Variants in PTPN13 observed in about 807,000 individuals in gnomAD.
PTPN13 encodes protein tyrosine phosphatase non-receptor type 13.
In PTPN13, 191 loss-of-function variants were observed where a neutral mutation model predicts 284.0. The observed-to-expected ratio is 0.67, with a 90% confidence interval of 0.60 to 0.76. The LOEUF (loss-of-function observed/expected upper bound fraction) is 0.76, where lower values mean the gene tolerates loss of function less well. Among genes scored for constraint, PTPN13 ranks in the 30% least tolerant of loss-of-function variants. The pLI is 0.00. For missense variants in PTPN13, 2,797 were observed against 2,939.9 expected (o/e 0.95, Z 1.12); for synonymous variants, 986 against 1,022.3 (o/e 0.96, Z 0.68).
Position 86,717,077 on chromosome 4 carries a change from G to T in PTPN13, c.1345G>T (p.Val449Leu), listed in dbSNP as rs180990269. Reference sequence around the variant, plus strand: ...TGAATCCAGCAGTGGTCTCCCAGGGGTAGATGAAACCTTAAGTCAAGGCCA... The same window carrying T: ...TGAATCCAGCAGTGGTCTCCCAGGGTTAGATGAAACCTTAAGTCAAGGCCA... ...RFESSSGLPG[V>L]DETLSQGQSQ... The change falls in exon 9 of 48, where the codon GTA (valine) becomes TTA (leucine). Residue 449 changes from valine (V) to leucine (L), a missense_variant. By Grantham distance (32) the Val-to-Leu change is conservative. Coordinates refer to ENST00000411767, the MANE Select transcript of PTPN13 (RefSeq NM_080683.3). 91 of 1,613,138 alleles carry T rather than the reference G, an allele frequency of 5.6e-5. 1 individual carries two copies. The East Asian group carries it at 1.4e-3, about 24-fold the overall frequency.
chr4:86,769,455 T>A (rs1739726917), intron 28 of PTPN13, among the ~76,000 whole-genome samples: 1 of 152,162 alleles, frequency 6.6e-6, no homozygotes, highest in Non-Finnish European at 1.5e-5. Context: ...CATGAGCCAC[T>A]GTGCCTGACC....
chr4:86,733,628 A>G (rs942083381), intron 12 of PTPN13, among the ~76,000 whole-genome samples: 1 of 152,104 alleles, frequency 6.6e-6, no homozygotes, highest in Non-Finnish European at 1.5e-5. Flanking sequence ...CTGATGTTCT[A>G]TCACTTTACT....
At chr4:86,763,813 G>T (rs1738976283) in intron 24 of PTPN13, among the ~76,000 whole-genome samples, 1 of 152,074 alleles carries the variant, frequency 6.6e-6, no homozygotes, top group Non-Finnish European at 1.5e-5. Flanking sequence ...TTGGGAGGCT[G>T]GGTGGGAGGA....
chr4:86,796,810 AAAAT>A, intron 40 of PTPN13, 60 bp from the exon 41 acceptor site: 1 of 1,071,104 alleles, frequency 9.3e-7, no homozygotes, highest in African/African-American at 1.6e-5. Context: ...TAACAGGAAA[AAAAT>A]AGTATGCGAT....
At position 86,682,425 on chromosome 4, in the gene PTPN13, CTT is replaced by C. The variant is rs540963376; in HGVS notation, c.295-4272_295-4271del. Among the ~76,000 whole-genome samples, 519 of 144,330 alleles carry C rather than the reference CTT, an allele frequency of 3.6e-3. 1 individual carries two copies. The highest frequency in any genetic ancestry group is 0.012 in the African/African-American group (491 of 39,606). The allele number at this position is 144,330 out of a possible 152,430, so 94.7% of individuals were successfully genotyped here. A position where few individuals can be genotyped will look rare whatever the true frequency, so the allele number is the denominator to read the frequency against. On this transcript the variant is annotated intron_variant, in intron 3 of 47. Transcript: ENST00000411767. Reference sequence around the variant, plus strand: ...AATACAAGTGAGAAGCAGATCAAAACTTTTTTTTTTTTTTAACTTGTACTGCC... The same window carrying C: ...AATACAAGTGAGAAGCAGATCAAAACTTTTTTTTTTTTAACTTGTACTGCC...
intron 2 of PTPN13, among the ~76,000 whole-genome samples, chr4:86,658,387 T>C (rs750437212): frequency 6.6e-6 from 1 of 152,200 alleles, no homozygotes; most frequent in Non-Finnish European, 1.5e-5. Context: ...AAAAAGTACC[T>C]GGTTTGAACA....
At chr4:86,636,949 AAAAG>A (rs1255956591) in intron 2 of PTPN13, among the ~76,000 whole-genome samples, 6 of 151,348 alleles carry the variant, frequency 4.0e-5, no homozygotes, top group African/African-American at 9.7e-5. Context: ...AATAAAGAAA[AAAAG>A]AGAGAAGAAT....
intron 1 of PTPN13, among the ~76,000 whole-genome samples, chr4:86,604,029 A>G (rs891438936): frequency 6.6e-6 from 1 of 152,110 alleles, no homozygotes; most frequent in Non-Finnish European, 1.5e-5. Context: ...AGACAAAATT[A>G]ATGTCTACTT....
At chr4:86,792,623 G>T (rs1742818328) in intron 40 of PTPN13, among the ~76,000 whole-genome samples, 1 of 152,134 alleles carries the variant, frequency 6.6e-6, no homozygotes. Flanking sequence ...AGGTCAGGTT[G>T]CCCACAAAGG....
At chr4:86,806,802 G>A (rs1744708933) in intron 44 of PTPN13, among the ~76,000 whole-genome samples, 1 of 152,130 alleles carries the variant, frequency 6.6e-6, no homozygotes, top group South Asian at 2.1e-4. Flanking sequence ...AATAGAAATA[G>A]AAATAACTTC....
At chr4:86,612,808 A>C (rs1473068905) in intron 1 of PTPN13, among the ~76,000 whole-genome samples, 1 of 152,246 alleles carries the variant, frequency 6.6e-6, no homozygotes, top group Non-Finnish European at 1.5e-5. Context: ...AACAAGAAGA[A>C]GGCATAGTGA....
intron 41 of PTPN13, among the ~76,000 whole-genome samples, chr4:86,797,618 G>T (rs1023961785): frequency 6.6e-6 from 1 of 152,122 alleles, no homozygotes; most frequent in African/African-American, 2.4e-5. Context: ...TGGAAAAAAT[G>T]AATGAAAGCG....
intron 1 of PTPN13, among the ~76,000 whole-genome samples, chr4:86,633,016 G>C (rs910545086): frequency 2.6e-5 from 4 of 151,940 alleles, no homozygotes; most frequent in South Asian, 2.1e-4. Context: ...ATGTTGTCCA[G>C]GCTGGTTTTG....
chr4:86,645,460 A>G (rs996226114), intron 2 of PTPN13, among the ~76,000 whole-genome samples: 11 of 152,238 alleles, frequency 7.2e-5, no homozygotes, highest in African/African-American at 2.7e-4. Context: ...GGCATGTTCT[A>G]TGTAGAAAAT....
intron 5 of PTPN13, among the ~76,000 whole-genome samples, chr4:86,692,340 C>T (rs1730112904): frequency 1.3e-5 from 2 of 152,164 alleles, no homozygotes; most frequent in African/African-American, 2.4e-5. Context: ...TTCAGAAATA[C>T]TTCCATTTAC....
chr4:86,735,927 C>T (rs1735442754), intron 15 of PTPN13, among the ~76,000 whole-genome samples, 181 bp downstream of exon 15: 1 of 152,030 alleles, frequency 6.6e-6, no homozygotes, highest in African/African-American at 2.4e-5. Context: ...AAATGAGGCT[C>T]AAAGAGGAAA....
At chr4:86,600,565 C>T (rs1284595241) in intron 1 of PTPN13, among the ~76,000 whole-genome samples, 1 of 148,414 alleles carries the variant, frequency 6.7e-6, no homozygotes, top group Non-Finnish European at 1.5e-5. Flanking sequence ...TGTTTTAATG[C>T]TTCCCCACTT....
At chr4:86,704,065 C>G (rs569876313) in intron 7 of PTPN13, among the ~76,000 whole-genome samples, 1 of 152,166 alleles carries the variant, frequency 6.6e-6, no homozygotes, top group South Asian at 2.1e-4. Flanking sequence ...GTAATCCCAG[C>G]TACTTGGGAG....
At chr4:86,607,173 A>G (rs1048845353) in intron 1 of PTPN13, among the ~76,000 whole-genome samples, 2 of 151,828 alleles carry the variant, frequency 1.3e-5, no homozygotes, top group African/African-American at 4.8e-5. Context: ...AAGTCTTTAA[A>G]TACCCTTACT....
Sources: allele counts gnomAD v4.1 joint callset (sites outside exome capture counted in the v4.1 genomes callset), GRCh38; gene constraint gnomAD v4.1.1; transcripts MANE v1.5; gene names NCBI Gene and HGNC (gene_info 2026-07-23, HGNC 2026-07-21).